Variants in NAALADL2 observed in about 807,000 individuals in gnomAD.
NAALADL2 encodes N-acetylated alpha-linked acidic dipeptidase like 2, also known as inactive N-acetylated-alpha-linked acidic dipeptidase-like protein 2.
NAALADL2 carries 76 observed loss-of-function variants against 87.2 expected under a neutral mutation model. The ratio of observed to expected loss-of-function variants is 0.87; its 90% CI spans 0.72 to 1.05. The LOEUF (loss-of-function observed/expected upper bound fraction) is 1.05. Among genes scored for constraint, NAALADL2 ranks in the 50% least tolerant of loss-of-function variants. The pLI is 0.00. For missense variants in NAALADL2, 1,089 were observed against 945.8 expected, an observed-to-expected ratio of 1.15 and a Z score of -1.99; for synonymous variants, 354 against 331.0, an observed-to-expected ratio of 1.07 and a Z score of -0.75.
At chr3:174,657,971 T>A (rs181005004) in intron 2 of NAALADL2, among the ~76,000 whole-genome samples, 92 of 152,338 alleles carry the variant, frequency 6.0e-4, no homozygotes, top group Non-Finnish European at 9.0e-4. Flanking sequence ...TTTAACGCCA[T>A]CTAATTCATG....
At chr3:175,691,036 T>C (rs1422707056) in intron 11 of NAALADL2, among the ~76,000 whole-genome samples, 1 of 151,664 alleles carries the variant, frequency 6.6e-6, no homozygotes, top group Non-Finnish European at 1.5e-5. Context: ...TGTAGTTGAA[T>C]CACTTTGTAA....
intron 1 of NAALADL2, among the ~76,000 whole-genome samples, chr3:174,466,273 A>ATTTT: frequency 7.3e-6 from 1 of 137,674 alleles, no homozygotes; most frequent in African/African-American, 2.7e-5. Flanking sequence ...ACATTATGAG[A>ATTTT]TTTTTTTTTT....
intron 3 of NAALADL2, among the ~76,000 whole-genome samples, chr3:174,801,995 G>A (rs1047121506): frequency 1.3e-5 from 2 of 151,890 alleles, no homozygotes; most frequent in Non-Finnish European, 2.9e-5. Flanking sequence ...TTTAATCTGT[G>A]AATATTTTTA....
chr3:174,568,066 G>A (rs1714495866), intron 2 of NAALADL2, among the ~76,000 whole-genome samples: 2 of 151,620 alleles, frequency 1.3e-5, no homozygotes, highest in South Asian at 4.1e-4. Context: ...CTACCTGTGA[G>A]GATATTTTAA....
intron 2 of NAALADL2, among the ~76,000 whole-genome samples, chr3:174,618,067 CT>C (rs1233532753): frequency 6.6e-6 from 1 of 151,658 alleles, no homozygotes; most frequent in African/African-American, 2.4e-5. Context: ...CCAGAGCTGA[CT>C]ATCTAAAGAG....
At chr3:175,667,595 T>C (rs949265078) in intron 11 of NAALADL2, among the ~76,000 whole-genome samples, 3 of 152,194 alleles carry the variant, frequency 2.0e-5, no homozygotes, top group Admixed American at 1.3e-4. Flanking sequence ...TTCAATATCA[T>C]AACTTTTGTT....
chr3:174,485,445 A>C (rs1717794383), intron 1 of NAALADL2, among the ~76,000 whole-genome samples: 1 of 148,802 alleles, frequency 6.7e-6, no homozygotes. Context: ...TTCCTCCTCC[A>C]CCCACCCCCC....
intron 1 of NAALADL2, among the ~76,000 whole-genome samples, chr3:175,091,423 T>A (rs1328644470): frequency 6.6e-6 from 1 of 152,076 alleles, no homozygotes; most frequent in African/African-American, 2.4e-5. Context: ...TAATCATGGA[T>A]TGTCATAGGA....
chr3:174,600,315 T>C (rs1304633573), intron 2 of NAALADL2, among the ~76,000 whole-genome samples: 1 of 152,100 alleles, frequency 6.6e-6, no homozygotes, highest in Non-Finnish European at 1.5e-5. Flanking sequence ...ATTCTTTTTT[T>C]TAATCTTAAA....
intron 8 of NAALADL2, 37 bp from the exon 9 acceptor site, chr3:175,471,602 G>A (rs1425686981): frequency 8.6e-7 from 1 of 1,161,000 alleles, no homozygotes; most frequent in East Asian, 2.6e-5. Context: ...CTATTTATTT[G>A]TCTTACAGAT....
chr3:174,495,282 C>G, intron 1 of NAALADL2, among the ~76,000 whole-genome samples: 1 of 115,402 alleles, frequency 8.7e-6, no homozygotes, highest in African/African-American at 3.2e-5. Flanking sequence ...AAAAAAAAAA[C>G]AGCCTTACTG....
At chr3:174,515,098 A>G (rs557741176) in intron 1 of NAALADL2, among the ~76,000 whole-genome samples, 47 of 152,294 alleles carry the variant, frequency 3.1e-4, no homozygotes, top group African/African-American at 1.1e-3. Context: ...TCAGGAAGGA[A>G]TCATGAGGTG....
intron 9 of NAALADL2, among the ~76,000 whole-genome samples, chr3:175,517,375 G>T (rs115758933): frequency 0.018 from 2,798 of 152,062 alleles, 83 homozygotes; most frequent in Admixed American, 0.066. Flanking sequence ...GCTAAATAAA[G>T]ATTCAAAATA....
At chr3:174,520,078 T>C (rs905877178) in intron 1 of NAALADL2, among the ~76,000 whole-genome samples, 33 of 152,114 alleles carry the variant, frequency 2.2e-4, no homozygotes, top group Admixed American at 2.0e-3. Flanking sequence ...TATAAACAAA[T>C]GAAAAAACAT....
chr3:174,491,339 A>G (rs1003350662), intron 1 of NAALADL2, among the ~76,000 whole-genome samples: 1 of 152,206 alleles, frequency 6.6e-6, no homozygotes, highest in African/African-American at 2.4e-5. Context: ...AGTCTGAGCA[A>G]AAATTGTAGT....
intron 5 of NAALADL2, among the ~76,000 whole-genome samples, chr3:175,370,526 A>G (rs1332446813): frequency 6.6e-6 from 1 of 152,134 alleles, no homozygotes; most frequent in African/African-American, 2.4e-5. Context: ...TTATAAAAAT[A>G]GCTTTATTCA....
Position 174,812,276 on chromosome 3 carries a change from G to A in NAALADL2, c.-9+74530G>A, listed in dbSNP as rs554493152. 3.9e-5 allele frequency among the ~76,000 whole-genome samples: 6 copies of A among 152,202 alleles called. No homozygotes were observed. The South Asian group carries it at 6.2e-4, about 16-fold the overall frequency. ...GACATTTTGGTCAATGAGGGACCAC[G>A]TATATGAGAATAGTCCCATATAAGA... On this transcript the variant is annotated intron_variant, in intron 3 of 3. Coordinates refer to the NAALADL2 transcript ENST00000434257.
intron 1 of NAALADL2, among the ~76,000 whole-genome samples, chr3:174,918,569 G>A (rs955236678): frequency 2.0e-5 from 3 of 152,076 alleles, no homozygotes; most frequent in African/African-American, 7.2e-5. Context: ...CGGTTGATTG[G>A]CTGAGGTTTA....
chr3:175,579,831 A>C (rs1481911394), intron 10 of NAALADL2, among the ~76,000 whole-genome samples: 1 of 152,082 alleles, frequency 6.6e-6, no homozygotes, highest in Non-Finnish European at 1.5e-5. Context: ...TTTTTGTTTC[A>C]ATCAGTATTT....
Sources: allele counts gnomAD v4.1 joint callset (sites outside exome capture counted in the v4.1 genomes callset), GRCh38; gene constraint gnomAD v4.1.1; transcripts MANE v1.5; gene names NCBI Gene and HGNC (gene_info 2026-07-23, HGNC 2026-07-21).